NLRP11: variants seen among roughly 807,000 people sequenced by gnomAD.
NLRP11 encodes the protein NACHT, LRR and PYD domains-containing protein 11.
In NLRP11, 53 loss-of-function variants were observed where a neutral mutation model predicts 79.3. The observed-to-expected ratio is 0.67, with a 90% CI of 0.54 to 0.84. NLRP11 has a LOEUF of 0.84. Among genes scored for constraint, NLRP11 ranks in the 40% least tolerant of loss-of-function variants. The pLI is 0.00. For missense variants in NLRP11, 1,264 were observed against 1,255.0 expected (o/e 1.01, Z -0.11); for synonymous variants, 518 against 462.6 (o/e 1.12, Z -1.54).
At chr19:55,835,402 A>G (rs1161778124), upstream of NLRP11, among the ~76,000 whole-genome samples, 4 of 152,282 alleles carry the variant, frequency 2.6e-5, no homozygotes, top group African/African-American at 9.6e-5. Context: ...GCCGATATCC[A>G]TTAAGTTCTT....
intron 1 of NLRP11, among the ~76,000 whole-genome samples, chr19:55,830,745 C>CTGTTGACTGAACTATAAGG (rs11272469): frequency 0.28 from 42,667 of 151,336 alleles, 8,657 homozygotes; most frequent in African/African-American, 0.57. Flanking sequence ...CTGGAATTTG[C>CTGTTGACTGAACTATAAGG]TGTTGACTGA....
chr19:55,810,519 G>A (rs150418531), intron 2 of NLRP11, among the ~76,000 whole-genome samples, 181 bp from the exon 3 acceptor site: 1 of 152,292 alleles, frequency 6.6e-6, no homozygotes, highest in East Asian at 1.9e-4. Context: ...TTTTTGAGAT[G>A]GAGTTTTGCT....
exon 7 of NLRP11, chr19:55,792,462 G>A (rs1269848183): frequency 6.2e-7 from 1 of 1,613,870 alleles, no homozygotes; most frequent in Non-Finnish European, 8.5e-7. Flanking sequence ...TGAGACAGCA[G>A]AAGACTAACC....
intron 1 of NLRP11, among the ~76,000 whole-genome samples, chr19:55,823,761 T>TG (rs747621590): frequency 2.7e-5 from 4 of 150,206 alleles, no homozygotes; most frequent in Admixed American, 1.3e-4. Flanking sequence ...TATGGGACTA[T>TG]GTGAAAAGAC....
intron 6 of NLRP11, among the ~76,000 whole-genome samples, chr19:55,793,817 A>AT (rs765282290): frequency 2.6e-5 from 4 of 152,200 alleles, no homozygotes; most frequent in Non-Finnish European, 5.9e-5. Flanking sequence ...TTTGTATACT[A>AT]ATGCGTGCTT....
rs1291168003 is a variant in NLRP11, at chr19:55,791,585, T to C, written c.2513+716A>G. On this transcript the variant is annotated intron_variant, in intron 7 of 9. Coordinates refer to ENST00000589093, the Ensembl canonical transcript of NLRP11. ...ATGCTTTTAGGTTATCAGTTTCTTA[T>C]ATTTCTGAGCCCAAAAAAAGGCATT... Among the ~76,000 whole-genome samples, 4 of 152,354 alleles carry C rather than the reference T, an allele frequency of 2.6e-5. 1 individual carries two copies. The South Asian group carries it at 6.2e-4, about 24-fold the overall frequency.
At chr19:55,788,964 T>C in exon 9 of NLRP11, 1 of 1,613,972 alleles carries the variant, frequency 6.2e-7, no homozygotes, top group Non-Finnish European at 8.5e-7. Flanking sequence ...CTGGTTAACA[T>C]GCACTCTTCT....
chr19:55,805,490 C>T (rs1214608971), intron 4 of NLRP11, among the ~76,000 whole-genome samples: 1 of 151,832 alleles, frequency 6.6e-6, no homozygotes, highest in East Asian at 1.9e-4. Flanking sequence ...CAAACAACTT[C>T]TCTCCCAAGT....
intron 1 of NLRP11, among the ~76,000 whole-genome samples, chr19:55,822,819 G>A (rs922462207): frequency 6.6e-5 from 10 of 152,180 alleles, no homozygotes; most frequent in East Asian, 3.9e-4. Context: ...ACTGCAAGGC[G>A]GCAGCTAGGC....
exon 7 of NLRP11, chr19:55,792,356 C>A (rs747586183): frequency 6.2e-7 from 1 of 1,614,196 alleles, no homozygotes; most frequent in South Asian, 1.1e-5. Context: ...ACATGCAACA[C>A]TCCGTAATTT....
At chr19:55,836,239 T>C (rs1309092546), upstream of NLRP11, 5 of 152,102 alleles carry the variant, frequency 3.3e-5, no homozygotes, top group Admixed American at 1.3e-4. Context: ...ACATTTAAAT[T>C]ATAAACAGAG....
Position 55,788,884 on chromosome 19 carries a change from T to C in NLRP11, c.2778A>G (p.Gln926=), listed in dbSNP as rs766012753. ...CAACTCCATCATTGCCCAAGTGATT[T>C]TGAAGCAAGTTGAGTCTTTCTAGTG... The change falls in exon 9 of 10, where the codon CAA becomes CAG. Residue 926 remains glutamine, a synonymous_variant. Coordinates refer to ENST00000589093, the Ensembl canonical transcript of NLRP11. 24 of 1,613,910 alleles carry C rather than the reference T, an allele frequency of 1.5e-5. No individual in the cohort carries two copies. The Admixed American group carries it at 1.7e-4, about 11-fold the overall frequency.
At chr19:55,834,303 A>G (rs1600211956), upstream of NLRP11, among the ~76,000 whole-genome samples, 1 of 152,274 alleles carries the variant, frequency 6.6e-6, no homozygotes, top group East Asian at 1.9e-4. Flanking sequence ...GCAAATAAAA[A>G]CAGAACACAA....
intron 1 of NLRP11, among the ~76,000 whole-genome samples, chr19:55,823,051 C>G (rs1029574234): frequency 1.3e-5 from 2 of 148,834 alleles, no homozygotes; most frequent in Non-Finnish European, 3.0e-5. Context: ...TCTCCCAGCA[C>G]GCAGCTGGAG....
At chr19:55,805,897 C>A (rs1979943161) in intron 4 of NLRP11, among the ~76,000 whole-genome samples, 1 of 152,140 alleles carries the variant, frequency 6.6e-6, no homozygotes, top group Admixed American at 6.5e-5. Flanking sequence ...CTCTCACTAC[C>A]CTTCCAGAAC....
At chr19:55,817,838 G>T in intron 2 of NLRP11, 66 bp downstream of exon 2, 27 of 1,017,924 alleles carry the variant, frequency 2.7e-5, no homozygotes, top group South Asian at 4.6e-5. Context: ...AAAAAAAAAA[G>T]GCCCAACACC....
At chr19:55,789,676 G>A (rs946842327) in intron 7 of NLRP11, among the ~76,000 whole-genome samples, 1 of 152,094 alleles carries the variant, frequency 6.6e-6, no homozygotes, top group Admixed American at 6.5e-5. Flanking sequence ...TTTTTGTCCC[G>A]GGAAGCCACA....
rs568863144 is a variant in NLRP11, at chr19:55,809,199, T to C, written c.1411A>G (p.Ile471Val). 1.2e-6 allele frequency: 2 copies of C among 1,613,512 alleles called. No homozygotes were observed. Among genetic ancestry groups the C allele is most frequent in the African/African-American group, 1.3e-5 (1 of 75,034 alleles). ...TTATACTCTCTGCTGCCTGAGGGGA[T>C]CAGATAGTTGGGTACTGCCATCAGA... The change falls in exon 3 of 10, where the codon ATC becomes GTC. Residue 471 changes from isoleucine to valine, a missense_variant. Ile to Val is a conservative substitution (Grantham distance 29). Transcript: ENST00000589093. This position sits in a 1 kb window ranked among gnomAD's most constrained non-coding sequence, Gnocchi z 4.5.
At chr19:55,804,300 A>G (rs368988009) in intron 4 of NLRP11, among the ~76,000 whole-genome samples, 41 of 152,220 alleles carry the variant, frequency 2.7e-4, no homozygotes, top group African/African-American at 8.2e-4. Context: ...TCTACCAAAA[A>G]GATACATGCA....
Sources: allele counts gnomAD v4.1 joint callset (sites outside exome capture counted in the v4.1 genomes callset), GRCh38; gene constraint gnomAD v4.1.1; non-coding constraint Gnocchi (gnomAD v3.1); transcripts MANE v1.5; gene names NCBI Gene and HGNC (gene_info 2026-07-23, HGNC 2026-07-21).